Variants in FBXW7 observed in about 807,000 individuals in gnomAD.
FBXW7 encodes F-box/WD repeat-containing protein 7.
Under a neutral mutation model 86.3 loss-of-function variants are expected in FBXW7, and 11 were observed. The observed-to-expected ratio is 0.13, with a 90% CI of 0.08 to 0.21. The LOEUF (loss-of-function observed/expected upper bound fraction) is 0.21, where lower values mean the gene tolerates loss of function less well. Among genes scored for constraint, FBXW7 ranks in the 10% least tolerant of loss-of-function variants. FBXW7 has a pLI of 1.00. For missense variants in FBXW7, 488 were observed against 847.4 expected, an observed-to-expected ratio of 0.58 and a Z score of 5.27; for synonymous variants, 313 against 297.9, an observed-to-expected ratio of 1.05 and a Z score of -0.52.
intron 2 of FBXW7, among the ~76,000 whole-genome samples, chr4:152,470,951 C>T (rs1173016096): frequency 6.6e-6 from 1 of 152,002 alleles, no homozygotes. Context: ...AAACTGACTG[C>T]CTTCTCTAAA....
chr4:152,369,348 C>CTA (rs1416660605), intron 4 of FBXW7, among the ~76,000 whole-genome samples: 1 of 152,070 alleles, frequency 6.6e-6, no homozygotes, highest in Non-Finnish European at 1.5e-5. Flanking sequence ...CCAACTGACC[C>CTA]TATAATCCGC....
At chr4:152,467,548 A>G (rs948031777) in intron 2 of FBXW7, among the ~76,000 whole-genome samples, 1 of 152,222 alleles carries the variant, frequency 6.6e-6, no homozygotes, top group Admixed American at 6.5e-5. Flanking sequence ...ATCAATAAAC[A>G]TATCACACAC....
intron 4 of FBXW7, among the ~76,000 whole-genome samples, chr4:152,358,287 A>G (rs182441122): frequency 2.4e-4 from 37 of 152,290 alleles, no homozygotes; most frequent in African/African-American, 6.7e-4. Flanking sequence ...TTCCCTCAAT[A>G]TAAGGCCTAA....
At chr4:152,436,947 T>G (rs1740436441) in intron 2 of FBXW7, among the ~76,000 whole-genome samples, 1 of 152,220 alleles carries the variant, frequency 6.6e-6, no homozygotes, top group Non-Finnish European at 1.5e-5. Context: ...GAGATGTACA[T>G]GGAGATTCAT....
At chr4:152,462,327 T>C (rs1171863948) in intron 2 of FBXW7, among the ~76,000 whole-genome samples, 9 of 152,244 alleles carry the variant, frequency 5.9e-5, no homozygotes, top group Admixed American at 5.9e-4. Context: ...AGAAATGTAC[T>C]GTCAAAAAAA....
chr4:152,443,262 C>CA (rs558414155), intron 2 of FBXW7, among the ~76,000 whole-genome samples: 73 of 151,976 alleles, frequency 4.8e-4, no homozygotes, highest in African/African-American at 1.6e-3. Context: ...AACTCCTTCT[C>CA]AAAAAAACAA....
At chr4:152,352,107 T>C (rs1221329630) in intron 4 of FBXW7, among the ~76,000 whole-genome samples, 1 of 151,814 alleles carries the variant, frequency 6.6e-6, no homozygotes, top group Non-Finnish European at 1.5e-5. Context: ...AGTCAACTAA[T>C]GAAAAAAGAA....
rs2126456233 is a variant in FBXW7 at position 152,322,839 on chromosome 4, T to C, written c.*42A>G. ...TTTTTGCAGGGGGAAGGGCAGGGAGTATATCGTCTACACAATTGGACAAAT... is the reference window on the plus strand; with the variant it reads ...TTTTTGCAGGGGGAAGGGCAGGGAGCATATCGTCTACACAATTGGACAAAT... On this transcript the variant is annotated 3_prime_UTR_variant, in exon 14 of 14. Coordinates refer to ENST00000281708, the MANE Select transcript of FBXW7 (RefSeq NM_001349798.2). 1 of 1,607,992 alleles carries C rather than the reference T, an allele frequency of 6.2e-7. No homozygotes were observed. Among genetic ancestry groups the C allele is most frequent in the Non-Finnish European group, 8.5e-7 (1 of 1,175,290 alleles).
chr4:152,440,846 C>A (rs1449042151), intron 2 of FBXW7, among the ~76,000 whole-genome samples: 1 of 152,064 alleles, frequency 6.6e-6, no homozygotes, highest in African/African-American at 2.4e-5. Context: ...ACTGTTCACA[C>A]CACTTTCTAT....
intron 6 of FBXW7, among the ~76,000 whole-genome samples, chr4:152,340,804 A>G (rs1322028728): frequency 6.6e-6 from 1 of 152,006 alleles, no homozygotes; most frequent in African/African-American, 2.4e-5. Flanking sequence ...TTCAACATCT[A>G]TTTTTGGATA....
intron 4 of FBXW7, among the ~76,000 whole-genome samples, chr4:152,362,721 G>A (rs1293894696): frequency 2.6e-5 from 4 of 151,682 alleles, no homozygotes; most frequent in Admixed American, 6.6e-5. Flanking sequence ...TCAGCTACTT[G>A]GGAGGCTGAG....
intron 2 of FBXW7, among the ~76,000 whole-genome samples, chr4:152,445,949 T>C (rs1444818946): frequency 7.8e-6 from 1 of 128,290 alleles, no homozygotes; most frequent in African/African-American, 2.6e-5. Context: ...AAAACCAAAG[T>C]GCTTAGTACA....
At chr4:152,422,127 C>CCTATATA (rs1215483725) in intron 2 of FBXW7, among the ~76,000 whole-genome samples, 1 of 151,804 alleles carries the variant, frequency 6.6e-6, no homozygotes, top group Non-Finnish European at 1.5e-5. Context: ...CCATGGTGTG[C>CCTATATA]CTATATAGTA....
intron 2 of FBXW7, among the ~76,000 whole-genome samples, chr4:152,443,597 TC>T (rs1393615557): frequency 6.6e-6 from 1 of 152,182 alleles, no homozygotes; most frequent in Non-Finnish European, 1.5e-5. Context: ...AGAACCCAAT[TC>T]TTTTTAAAAA....
intron 4 of FBXW7, among the ~76,000 whole-genome samples, chr4:152,359,677 C>T (rs1335034045): frequency 6.6e-6 from 1 of 151,990 alleles, no homozygotes; most frequent in African/African-American, 2.4e-5. Context: ...GCAAGAGAAT[C>T]ACTTGAACCC....
At chr4:152,483,137 T>C (rs1745032372) in intron 2 of FBXW7, among the ~76,000 whole-genome samples, 2 of 152,200 alleles carry the variant, frequency 1.3e-5, no homozygotes, top group South Asian at 2.1e-4. Flanking sequence ...AAAATTAACA[T>C]ACTTGTACAT....
intron 8 of FBXW7, among the ~76,000 whole-genome samples, chr4:152,331,422 G>A (rs986818978): frequency 3.9e-5 from 6 of 152,044 alleles, no homozygotes; most frequent in Non-Finnish European, 7.4e-5. Context: ...CTATGACATG[G>A]ATGAACCTTG....
At chr4:152,453,845 C>T (rs1439103532) in intron 2 of FBXW7, among the ~76,000 whole-genome samples, 8 of 151,958 alleles carry the variant, frequency 5.3e-5, no homozygotes, top group Admixed American at 5.2e-4. Context: ...TTTTTCAAAA[C>T]GTGGAGAAAG....
intron 5 of FBXW7, among the ~76,000 whole-genome samples, chr4:152,347,391 C>T (rs1251498241): frequency 6.6e-6 from 1 of 152,096 alleles, no homozygotes; most frequent in African/African-American, 2.4e-5. Flanking sequence ...TTCCTTAGAA[C>T]ATACAAGTCC....
Sources: allele counts gnomAD v4.1 joint callset (sites outside exome capture counted in the v4.1 genomes callset), GRCh38; gene constraint gnomAD v4.1.1; transcripts MANE v1.5; gene names NCBI Gene and HGNC (gene_info 2026-07-23, HGNC 2026-07-21).